GTF3C3: variants seen among roughly 807,000 people sequenced by gnomAD.
GTF3C3 encodes general transcription factor IIIC subunit 3.
A neutral mutation model predicts 105.2 loss-of-function variants in GTF3C3; 75 were observed. The observed-to-expected ratio is 0.71, with a 90% CI of 0.59 to 0.86. The LOEUF is 0.86. Among genes scored for constraint, GTF3C3 ranks in the 40% least tolerant of loss-of-function variants. The pLI is 0.00. For missense variants in GTF3C3, 856 were observed against 1,076.5 expected (o/e 0.80, Z 2.87); for synonymous variants, 335 against 370.4 (o/e 0.90, Z 1.10).
chr2:196,769,448 G>C (rs1394596695), intron 16 of GTF3C3, among the ~76,000 whole-genome samples: 2 of 152,148 alleles, frequency 1.3e-5, no homozygotes, highest in Non-Finnish European at 2.9e-5. Flanking sequence ...GAAGAGACAA[G>C]CCATTAAGGT....
At chr2:196,797,037 GA>G (rs1699659036) in intron 2 of GTF3C3, among the ~76,000 whole-genome samples, 1 of 152,098 alleles carries the variant, frequency 6.6e-6, no homozygotes, top group Non-Finnish European at 1.5e-5. Context: ...TGTTTTGAGG[GA>G]AAAGAACCAG....
rs1699341498 is a variant in GTF3C3, at chr2:196,781,065, T to C, written c.1115-403A>G. ...CTAAAACCTCATTACAACAAAATAA[T>C]TTTTAAAGCCCTGGGAAATTACAGG... On this transcript the variant is annotated intron_variant, in intron 8 of 17. Transcript: ENST00000263956. 2.0e-5 allele frequency among the ~76,000 whole-genome samples: 3 copies of C among 152,060 alleles called. No individual in the cohort carries two copies. The South Asian group carries it at 6.2e-4, about 32-fold the overall frequency.
intron 10 of GTF3C3, chr2:196,778,686 C>T (rs1699296732): frequency 1.7e-6 from 1 of 571,722 alleles, no homozygotes; most frequent in Admixed American, 3.0e-5. Flanking sequence ...TTCAACTTCA[C>T]TCTGGCATCA....
At chr2:196,784,723 G>A in intron 8 of GTF3C3, 134 bp downstream of exon 8, 1 of 1,104,272 alleles carries the variant, frequency 9.1e-7, no homozygotes, top group East Asian at 2.9e-5. Flanking sequence ...AGAAAAAAAT[G>A]CTTCTTGGGA....
chr2:196,765,053 T>C (rs975677362), intron 17 of GTF3C3, among the ~76,000 whole-genome samples: 3 of 152,132 alleles, frequency 2.0e-5, no homozygotes, highest in African/African-American at 2.4e-5. Context: ...AAGGGAAAGA[T>C]TGGTATGACT....
rs1163853444 is a variant in GTF3C3 at position 196,764,163 on chromosome 2, T to TTAA, written c.*397_*399dup. The TTAA allele has an allele frequency of 6.5e-6, 1 of 153,322 alleles. No homozygotes were observed. Among genetic ancestry groups the TTAA allele is most frequent in the African/African-American group, 2.4e-5 (1 of 41,494 alleles). The allele number at this position is 153,322 out of a possible 1,614,324, so 9.5% of individuals were successfully genotyped here. ...TAAAGAGTCCCACTTTGTCTTTCCT[T>TTAA]TAATAATAAGCAACCTCTGTTTATA... On this transcript the variant is annotated 3_prime_UTR_variant, in exon 18 of 18. Coordinates refer to ENST00000263956, the MANE Select transcript of GTF3C3 (RefSeq NM_012086.5).
At position 196,772,969 on chromosome 2, in the gene GTF3C3, A is replaced by C. The variant is rs1468112227; in HGVS notation, c.2016T>G (p.Gly672=). ...TTTTGTCCAGAATTGCAGCAGACAGACCAAAGTATTCTAGTTCTTTGCGTT... is the reference window on the plus strand; with the variant it reads ...TTTTGTCCAGAATTGCAGCAGACAGCCCAAAGTATTCTAGTTCTTTGCGTT... The part of the protein sequence containing the change: ...RQKRKELEYF[G]LSAAILDKNF... Residue 672 remains glycine, a synonymous_variant, in exon 14 of 18, where the codon GGT becomes GGG. Coordinates refer to ENST00000263956, the MANE Select transcript of GTF3C3 (RefSeq NM_012086.5). 2 of 1,607,888 alleles carry C rather than the reference A, an allele frequency of 1.2e-6. No individual in the cohort carries two copies. Among genetic ancestry groups the C allele is most frequent in the Non-Finnish European group, 1.7e-6 (2 of 1,177,660 alleles).
In GTF3C3 at chr2:196,786,085, C is replaced by T. The variant is rs1699448892; in HGVS notation, c.894-497G>A. On this transcript the variant is annotated intron_variant, in intron 6 of 17. Transcript: ENST00000263956. The surrounding 1 kb of genome is among the most constrained non-coding windows in gnomAD (Gnocchi z 4.2). ...TCTTCACCACCACCTGCCCAGCTGA[C>T]CATGTTGACTGGTCTCACTCTAAAC... Among the ~76,000 whole-genome samples the T allele has an allele frequency of 6.6e-6, 1 of 152,162 alleles. No individual in the cohort carries two copies. Among genetic ancestry groups the T allele is most frequent in the Non-Finnish European group, 1.5e-5 (1 of 68,016 alleles).
At position 196,793,277 on chromosome 2, in the gene GTF3C3, A is replaced by G. The variant is rs1699585096; in HGVS notation, c.215-125T>C. The stretch of plus-strand genomic sequence containing the variant: ...CAAATTTGAAAGTAAAAAATAGCAA[A>G]TGAACACCCTCAAAAACCAAACCAA... On this transcript the variant is annotated intron_variant, in intron 2 of 17. Transcript: ENST00000263956. The G allele has an allele frequency of 6.0e-6, 4 of 664,958 alleles. No individual in the cohort carries two copies. In the East Asian group the frequency reaches 1.0e-4, roughly 17 times the overall value. 41.2% of individuals were successfully genotyped at this position (664,958 alleles called of 1,614,324 possible).
In GTF3C3 at chr2:196,786,562, C is replaced by T. The variant is rs541566811; in HGVS notation, c.894-974G>A. ...ACATGAAAATAACCCCTAGTTTGAT[C>T]CCATTCCCTATGATCTACTTAAGGA... is the stretch of plus-strand genomic sequence containing the variant. On this transcript the variant is annotated intron_variant, in intron 6 of 17. Transcript: ENST00000263956. This position sits in a 1 kb window ranked among gnomAD's most constrained non-coding sequence, Gnocchi z 4.2. Among the ~76,000 whole-genome samples the T allele has an allele frequency of 1.3e-5, 2 of 152,216 alleles. No individual in the cohort carries two copies. The highest frequency in any genetic ancestry group is 4.8e-5 in the African/African-American group (2 of 41,544).
intron 10 of GTF3C3, among the ~76,000 whole-genome samples, chr2:196,777,331 C>T (rs1170680811): frequency 6.6e-6 from 1 of 152,172 alleles, no homozygotes; most frequent in Non-Finnish European, 1.5e-5. Flanking sequence ...CCAATAGAAA[C>T]TACCTCCTCT....
At chr2:196,799,439 T>G in intron 1 of GTF3C3, 71 bp downstream of exon 1, 3 of 1,156,936 alleles carry the variant, frequency 2.6e-6, no homozygotes, top group Non-Finnish European at 3.9e-6. Flanking sequence ...AAAGCGGTCG[T>G]CTGGGTCCCC....
At chr2:196,783,443 AAAT>A (rs1699402329) in intron 8 of GTF3C3, among the ~76,000 whole-genome samples, 1 of 152,194 alleles carries the variant, frequency 6.6e-6, no homozygotes, top group Non-Finnish European at 1.5e-5. Flanking sequence ...TATGACAGTA[AAAT>A]AATAACTTCA....
At chr2:196,788,596 A>G (rs1029289581) in intron 6 of GTF3C3, among the ~76,000 whole-genome samples, 5 of 152,218 alleles carry the variant, frequency 3.3e-5, no homozygotes, top group Admixed American at 1.3e-4. Context: ...TTTTTTAATT[A>G]TTGCAAATAT....
chr2:196,769,626 T>C (rs535329727), intron 16 of GTF3C3, among the ~76,000 whole-genome samples: 2 of 152,292 alleles, frequency 1.3e-5, no homozygotes, highest in Admixed American at 1.3e-4. Context: ...GTTAGAGACC[T>C]TGAGGACCAG....
intron 8 of GTF3C3, among the ~76,000 whole-genome samples, chr2:196,783,823 T>TTA (rs1486600662): frequency 6.6e-6 from 1 of 152,198 alleles, no homozygotes; most frequent in Non-Finnish European, 1.5e-5. Flanking sequence ...TGAACGCCTC[T>TTA]TCCCGCCTCC....
rs1452575179 is a variant in GTF3C3, at chr2:196,786,629, G to A, written c.894-1041C>T. Among the ~76,000 whole-genome samples, 1 of 151,914 alleles carries A rather than the reference G, an allele frequency of 6.6e-6. No individual in the cohort carries two copies. Among genetic ancestry groups the A allele is most frequent in the African/African-American group, 2.4e-5 (1 of 41,354 alleles). On this transcript the variant is annotated intron_variant, in intron 6 of 17. Transcript: ENST00000263956. This position sits in a 1 kb window ranked among gnomAD's most constrained non-coding sequence, Gnocchi z 4.2. ...GTCTCTTCCCTCACAAATCTTCAACGTGTCCCTCAATTTTTGATTACTCCC... is the reference window on the plus strand; with the variant it reads ...GTCTCTTCCCTCACAAATCTTCAACATGTCCCTCAATTTTTGATTACTCCC...
intron 17 of GTF3C3, among the ~76,000 whole-genome samples, chr2:196,765,601 ATAAT>A (rs755184388): frequency 1.5e-3 from 221 of 149,858 alleles, no homozygotes; most frequent in Non-Finnish European, 2.4e-3. Flanking sequence ...GCATATATAA[ATAAT>A]ATGTATGAAA....
At chr2:196,781,920 G>A (rs190377728) in intron 8 of GTF3C3, among the ~76,000 whole-genome samples, 3 of 152,296 alleles carry the variant, frequency 2.0e-5, no homozygotes, top group Non-Finnish European at 2.9e-5. Flanking sequence ...ACCTGTCTGA[G>A]TAAGGACTAA....
Sources: allele counts gnomAD v4.1 joint callset (sites outside exome capture counted in the v4.1 genomes callset), GRCh38; gene constraint gnomAD v4.1.1; non-coding constraint Gnocchi (gnomAD v3.1); transcripts MANE v1.5; gene names NCBI Gene and HGNC (gene_info 2026-07-23, HGNC 2026-07-21).